The following SMARCA4 variants were observed in gnomAD, a reference collection of about 807,000 sequenced individuals.
The protein encoded by SMARCA4 is SWI/SNF related BAF chromatin remodeling complex subunit ATPase 4.
Under a neutral mutation model 193.9 loss-of-function variants are expected in SMARCA4, and 31 were observed. The observed-to-expected ratio is 0.16, with a 90% CI of 0.12 to 0.22. The LOEUF (loss-of-function observed/expected upper bound fraction) is 0.22, where lower values mean the gene tolerates loss of function less well. SMARCA4 is among the 10% of genes least tolerant of loss of function. The pLI is 1.00. For synonymous variants in SMARCA4, 942 were observed against 933.1 expected (o/e 1.01, Z -0.17); for missense variants, 1,148 against 2,296.0 (o/e 0.50, Z 10.22).
At position 11,060,166 on chromosome 19, in the gene SMARCA4, C is replaced by G. The variant is rs918621161; in HGVS notation, c.4890C>G (p.Asp1630Glu). The G allele has an allele frequency of 1.3e-6, 2 of 1,551,136 alleles. No homozygotes were observed. Among genetic ancestry groups the G allele is most frequent in the Non-Finnish European group, 1.7e-6 (2 of 1,146,710 alleles). Residue 1630 changes from aspartate (D) to glutamate (E), a missense_variant, in exon 34 of 35, where the codon GAC becomes GAG. Transcript: ENST00000344626. ...SRAKPVVSDD[D>E]SEEEQEEDRS... ...CCAAGCCGGTCGTGAGTGACGATGA[C>G]AGTGAGGAGGAACAAGAGGAGGTGA...
At position 11,033,879 on chromosome 19, in the gene SMARCA4, T is replaced by G. The variant is rs2146669397; in HGVS notation, c.3873+14T>G. On this transcript the variant is annotated intron_variant, in intron 27 of 34. Transcript: ENST00000344626. The surrounding 1 kb of genome is among the most constrained non-coding windows in gnomAD (Gnocchi z 9.8). ...CCACCTCTAAAGGTGAGAGGGGTAG[T>G]TCAGTCTCCATGCCCATTCAATCCT... 1 of 777,236 alleles carries G rather than the reference T, an allele frequency of 1.3e-6. No individual in the cohort carries two copies. Among genetic ancestry groups the G allele is most frequent in the Non-Finnish European group, 2.4e-6 (1 of 417,932 alleles). The allele number at this position is 777,236 out of a possible 1,614,324, so 48.1% of individuals were successfully genotyped here. A position where few individuals can be genotyped will look rare whatever the true frequency, so the allele number is the denominator to read the frequency against.
chr19:11,041,559 A>G lies in SMARCA4; in HGVS notation c.4423A>G (p.Ser1475Gly), dbSNP rs2146823732. ...GGATGCCGTGATCAAGTACAAGGAC[A>G]GGTAAGCGAGGAGGCGGGGAGGGCG... The part of the protein sequence containing the change: ...IVDAVIKYKD[S>G]SSGRQLSEVF... Residue 1475 changes from serine (S) to glycine (G), a missense_variant and splice_region_variant, in exon 30 of 35, where the codon AGC becomes GGC. Transcript: ENST00000344626. The surrounding 1 kb of genome is among the most constrained non-coding windows in gnomAD (Gnocchi z 5.6). 6.2e-7 allele frequency: 1 copy of G among 1,612,340 alleles called. No homozygotes were observed. The highest frequency in any genetic ancestry group is 8.5e-7 in the Non-Finnish European group (1 of 1,179,452).
intron 1 of SMARCA4, among the ~76,000 whole-genome samples, chr19:10,977,466 G>A (rs1342497276): frequency 1.3e-5 from 2 of 151,984 alleles, no homozygotes; most frequent in Non-Finnish European, 2.9e-5. Flanking sequence ...TGGCATTACA[G>A]GCATGCACCA....
intron 6 of SMARCA4, 142 bp from the exon 7 acceptor site, chr19:10,989,175 C>T (rs949322628): frequency 2.1e-5 from 22 of 1,031,952 alleles, no homozygotes; most frequent in Non-Finnish European, 2.7e-5. Context: ...CTGTGCCCTG[C>T]GGCCAGCATC....
intron 30 of SMARCA4, among the ~76,000 whole-genome samples, chr19:11,054,661 G>A (rs1220829366): frequency 1.3e-5 from 2 of 152,166 alleles, no homozygotes; most frequent in African/African-American, 4.8e-5. Context: ...GTGTGGTGGT[G>A]CACCTGTAAT....
In SMARCA4 at chr19:11,061,882, A is replaced by C; in HGVS notation, c.*66A>C. On this transcript the variant is annotated 3_prime_UTR_variant, in exon 35 of 35. Transcript: ENST00000344626. ...GAGCTGAGATGGCATAGGCCTTAGC[A>C]GTAACGGGTAGCAGCAGATGTAGTT... 7.2e-7 allele frequency: 1 copy of C among 1,389,374 alleles called. No individual in the cohort carries two copies. The highest frequency in any genetic ancestry group is 1.0e-6 in the Non-Finnish European group (1 of 974,816). The allele number at this position is 1,389,374 out of a possible 1,614,324, so 86.1% of individuals were successfully genotyped here.
chr19:10,985,286 T>C lies in SMARCA4; in HGVS notation c.236T>C (p.Met79Thr). The C allele has an allele frequency of 6.2e-7, 1 of 1,613,894 alleles. No individual in the cohort carries two copies. Among genetic ancestry groups the C allele is most frequent in the Non-Finnish European group, 8.5e-7 (1 of 1,179,980 alleles). ...TCCCTCTCGCAGCCCATGGAGTCCA[T>C]GCATGAGAAGGGCATGTCGGACGAC... Reference protein sequence around the residue: ...MHQMHKPMESMHEKGMSDDPR... With the variant: ...MHQMHKPMESTHEKGMSDDPR... Residue 79 changes from methionine (M) to threonine (T), a missense_variant, in exon 3 of 35, where the codon ATG (methionine) becomes ACG (threonine). Physicochemically the swap from Met to Thr is moderately conservative, Grantham distance 81 (BLOSUM62 -1). Coordinates refer to ENST00000344626, the MANE Select transcript of SMARCA4 (RefSeq NM_003072.5). The surrounding 1 kb of genome is among the most constrained non-coding windows in gnomAD (Gnocchi z 4.5).
intron 20 of SMARCA4, 95 bp from the exon 21 acceptor site, chr19:11,024,221 CTGGTCAGAGCTCATA>C: frequency 1.3e-6 from 1 of 769,458 alleles, no homozygotes; most frequent in Non-Finnish European, 2.4e-6. Flanking sequence ...CCAGTGTGCT[CTGGTCAGAGCTCATA>C]TGACAGGGCC....
intron 34 of SMARCA4, among the ~76,000 whole-genome samples, chr19:11,061,477 G>A (rs975072605): frequency 1.3e-5 from 2 of 151,940 alleles, no homozygotes; most frequent in Admixed American, 6.6e-5. Flanking sequence ...CCGGGATCGC[G>A]CCATTCTCCT....
At chr19:10,989,480 C>A (rs1568430922) in intron 7 of SMARCA4, 37 bp downstream of exon 7, 2 of 1,610,786 alleles carry the variant, frequency 1.2e-6, no homozygotes, top group Non-Finnish European at 1.7e-6. Context: ...CCGAAAAGGG[C>A]CTTTGTCACC....
intron 21 of SMARCA4, among the ~76,000 whole-genome samples, chr19:11,025,192 C>T (rs2146490691): frequency 6.6e-6 from 1 of 152,326 alleles, no homozygotes; most frequent in South Asian, 2.1e-4. Flanking sequence ...CTGGCCCTGT[C>T]CCTGCCATCT....
chr19:11,004,558 G>T (rs2087997654), intron 13 of SMARCA4, among the ~76,000 whole-genome samples: 1 of 152,114 alleles, frequency 6.6e-6, no homozygotes, highest in African/African-American at 2.4e-5. Context: ...AGTCTGTTCT[G>T]TGTTAGTCAC....
intron 11 of SMARCA4, among the ~76,000 whole-genome samples, chr19:11,000,432 G>A (rs1487877621): frequency 1.3e-5 from 2 of 152,050 alleles, no homozygotes; most frequent in African/African-American, 4.8e-5. Context: ...AGAGGCTGAG[G>A]TAGGGGGATA....
intron 23 of SMARCA4, among the ~76,000 whole-genome samples, chr19:11,026,642 G>A (rs1406397406): frequency 2.0e-5 from 3 of 151,838 alleles, no homozygotes; most frequent in East Asian, 1.9e-4. Flanking sequence ...TGGGATTACC[G>A]GCACCTGCCA....
intron 1 of SMARCA4, among the ~76,000 whole-genome samples, chr19:10,962,582 G>A (rs953870817): frequency 1.3e-5 from 2 of 152,008 alleles, no homozygotes; most frequent in Non-Finnish European, 2.9e-5. Flanking sequence ...CTTGCCTGTC[G>A]CCCAGGCTGG....
At chr19:11,060,262 G>T (rs1318449012) in intron 34 of SMARCA4, 75 bp downstream of exon 34, 2 of 1,517,684 alleles carry the variant, frequency 1.3e-6, no homozygotes, top group African/African-American at 2.8e-5. Context: ...GGACAGCCCT[G>T]TGGGGCGGTG....
rs554212827 is a variant in SMARCA4, at chr19:11,051,491, CTTTTTT to C, written c.4425-6751_4425-6746del. 2.2e-5 allele frequency among the ~76,000 whole-genome samples: 3 copies of C among 133,514 alleles called. No individual in the cohort carries two copies. The East Asian group carries it at 6.4e-4, about 28-fold the overall frequency. The allele number at this position is 133,514 out of a possible 152,430, so 87.6% of individuals were successfully genotyped here. ...AGGGAACACAGTGGGGACATATTTCCTTTTTTTTTTTTTTTTTTGAGACAGAGTCTC... is the reference window on the plus strand; with the variant it reads ...AGGGAACACAGTGGGGACATATTTCCTTTTTTTTTTTTGAGACAGAGTCTC... On this transcript the variant is annotated intron_variant, in intron 30 of 34. Coordinates refer to ENST00000344626, the MANE Select transcript of SMARCA4 (RefSeq NM_003072.5).
intron 15 of SMARCA4, chr19:11,011,844 T>C (rs1298902832): frequency 6.6e-6 from 1 of 152,188 alleles, no homozygotes; most frequent in African/African-American, 2.4e-5. Flanking sequence ...ATGAATATGA[T>C]GACCTTCCAG....
chr19:11,013,327 C>G (rs1184183684), intron 16 of SMARCA4, among the ~76,000 whole-genome samples: 1 of 152,226 alleles, frequency 6.6e-6, no homozygotes, highest in African/African-American at 2.4e-5. Context: ...ATGTATCTCA[C>G]TGTGTCTTCA....
Sources: allele counts gnomAD v4.1 joint callset (sites outside exome capture counted in the v4.1 genomes callset), GRCh38; gene constraint gnomAD v4.1.1; non-coding constraint Gnocchi (gnomAD v3.1); transcripts MANE v1.5; gene names NCBI Gene and HGNC (gene_info 2026-07-23, HGNC 2026-07-21).